The following ENAH variants were observed in gnomAD, a reference collection of about 807,000 sequenced individuals.
The protein encoded by ENAH is ENAH actin regulator.
ENAH carries 23 observed loss-of-function variants against 78.7 expected under a neutral mutation model. That is an observed-to-expected ratio of 0.29 (90% CI 0.21 to 0.41). ENAH has a LOEUF of 0.41. Among genes scored for constraint, ENAH ranks in the 10% least tolerant of loss-of-function variants. ENAH has a pLI of 1.00. For missense variants in ENAH, 544 were observed against 691.0 expected (o/e 0.79, Z 2.39); for synonymous variants, 226 against 241.0 (o/e 0.94, Z 0.58).
intron 2 of ENAH, among the ~76,000 whole-genome samples, chr1:225,562,368 C>T (rs529783519): frequency 9.9e-5 from 15 of 151,384 alleles, no homozygotes; most frequent in African/African-American, 3.6e-4. Context: ...GTCAGGAGAT[C>T]GAGACCATCC....
At chr1:225,620,787 C>T (rs577385519) in intron 1 of ENAH, among the ~76,000 whole-genome samples, 2 of 151,056 alleles carry the variant, frequency 1.3e-5, no homozygotes, top group East Asian at 4.0e-4. Flanking sequence ...GGCGGATCAC[C>T]CAAGGTCAGG....
intron 1 of ENAH, among the ~76,000 whole-genome samples, chr1:225,631,182 A>G (rs1658954584): frequency 6.6e-6 from 1 of 152,188 alleles, no homozygotes; most frequent in Admixed American, 6.5e-5. Flanking sequence ...TTTTTGTTGC[A>G]TAGCAACAAG....
At chr1:225,502,293 C>A (rs1352284223) in intron 11 of ENAH, among the ~76,000 whole-genome samples, 1 of 152,062 alleles carries the variant, frequency 6.6e-6, no homozygotes, top group Non-Finnish European at 1.5e-5. Flanking sequence ...CTCACTGCAA[C>A]CTCCGCCTCC....
intron 3 of ENAH, among the ~76,000 whole-genome samples, chr1:225,538,237 C>T (rs779107506): frequency 6.6e-6 from 1 of 151,762 alleles, no homozygotes; most frequent in African/African-American, 2.4e-5. Flanking sequence ...ATTTTTGAGA[C>T]AGAATGAAAG....
At chr1:225,637,712 ACTGG>A (rs59287439) in intron 1 of ENAH, among the ~76,000 whole-genome samples, 11,976 of 152,132 alleles carry the variant, frequency 0.079, 1,572 homozygotes, top group African/African-American at 0.27. Context: ...TAAGAATTTA[ACTGG>A]CTATTTGCTT....
At chr1:225,612,857 G>A (rs925239712) in intron 1 of ENAH, among the ~76,000 whole-genome samples, 3 of 150,044 alleles carry the variant, frequency 2.0e-5, no homozygotes, top group Admixed American at 2.0e-4. Flanking sequence ...AAGGGGGGGA[G>A]GAGGGATCTA....
intron 3 of ENAH, among the ~76,000 whole-genome samples, chr1:225,537,429 C>A (rs2096567132): frequency 6.6e-6 from 1 of 152,236 alleles, no homozygotes; most frequent in Admixed American, 6.5e-5. Context: ...GATCTAAATT[C>A]TGATAGGTTG....
intron 12 of ENAH, 35 bp downstream of exon 12, chr1:225,500,957 G>C: frequency 1.9e-6 from 3 of 1,589,422 alleles, no homozygotes; most frequent in Non-Finnish European, 2.6e-6. Context: ...AAAGAAACAA[G>C]TACAAATAAA....
chr1:225,566,619 A>G (rs946421550), intron 2 of ENAH, among the ~76,000 whole-genome samples: 1 of 152,220 alleles, frequency 6.6e-6, no homozygotes, highest in African/African-American at 2.4e-5. Flanking sequence ...CTATTAGTAT[A>G]TAGTTAATGC....
intron 1 of ENAH, among the ~76,000 whole-genome samples, chr1:225,611,233 G>A (rs563188415): frequency 2.0e-5 from 3 of 152,142 alleles, no homozygotes; most frequent in Admixed American, 2.0e-4. Flanking sequence ...GGAGCCAAAG[G>A]TGGAAGGACT....
chr1:225,543,800 T>C (rs557913977), intron 3 of ENAH, among the ~76,000 whole-genome samples: 2 of 152,328 alleles, frequency 1.3e-5, no homozygotes, highest in South Asian at 2.1e-4. Flanking sequence ...AATGAAATAA[T>C]GTCACAATAT....
intron 3 of ENAH, among the ~76,000 whole-genome samples, chr1:225,546,900 C>T (rs1280161103): frequency 6.6e-6 from 1 of 152,172 alleles, no homozygotes; most frequent in Non-Finnish European, 1.5e-5. Context: ...TGGACTGAGG[C>T]TCACAGTGAA....
chr1:225,528,980 A>G lies in ENAH; in HGVS notation c.434+1574T>C, dbSNP rs1276161156. Reference sequence around the variant, plus strand: ...ATCTGACTTCTCAACAACCACTTCTATCACCTGGGGGAAGCCACCATTATC... The same window carrying G: ...ATCTGACTTCTCAACAACCACTTCTGTCACCTGGGGGAAGCCACCATTATC... On this transcript the variant is annotated intron_variant, in intron 4 of 13. Coordinates refer to ENST00000366843, the MANE Select transcript of ENAH (RefSeq NM_018212.6). 2.0e-5 allele frequency among the ~76,000 whole-genome samples: 3 copies of G among 151,582 alleles called. No homozygotes were observed. In the South Asian group the frequency reaches 6.3e-4, roughly 32 times the overall value.
intron 3 of ENAH, among the ~76,000 whole-genome samples, chr1:225,539,723 G>A (rs1166095812): frequency 1.3e-5 from 2 of 152,102 alleles, no homozygotes; most frequent in East Asian, 3.8e-4. Context: ...TAGGCTCTAG[G>A]TACACCGGTC....
intron 10 of ENAH, among the ~76,000 whole-genome samples, chr1:225,509,861 T>C (rs2096362907): frequency 6.6e-6 from 1 of 152,208 alleles, no homozygotes; most frequent in Non-Finnish European, 1.5e-5. Context: ...ACCTTGCTCA[T>C]GCTATACTTA....
intron 1 of ENAH, among the ~76,000 whole-genome samples, chr1:225,602,621 T>TTA (rs201607479): frequency 1.6e-3 from 250 of 151,718 alleles, no homozygotes; most frequent in Admixed American, 4.5e-3. Flanking sequence ...TTAGCAAAGG[T>TTA]TATATATATA....
chr1:225,647,778 C>T (rs554228497), intron 1 of ENAH, among the ~76,000 whole-genome samples: 17 of 152,232 alleles, frequency 1.1e-4, no homozygotes, highest in East Asian at 1.9e-4. Flanking sequence ...AAAAGAGCAA[C>T]GCAGTCAAAG....
At chr1:225,562,152 A>G (rs892452439) in intron 2 of ENAH, among the ~76,000 whole-genome samples, 4 of 151,888 alleles carry the variant, frequency 2.6e-5, no homozygotes, top group Non-Finnish European at 4.4e-5. Flanking sequence ...CAAACTCCTG[A>G]GCTTGTGATC....
At chr1:225,504,888 A>T in intron 11 of ENAH, 1 of 712,520 alleles carries the variant, frequency 1.4e-6, no homozygotes, top group Non-Finnish European at 2.2e-6. Flanking sequence ...AAGAAAAAAA[A>T]ATCTCCCTTG....
Sources: gnomAD v4.1 joint callset for allele counts (sites outside exome capture counted in the v4.1 genomes callset) on GRCh38, gnomAD v4.1.1 for gene constraint, MANE v1.5 for transcripts, NCBI Gene and HGNC (gene_info 2026-07-23, HGNC 2026-07-21) for gene names.